The following TIA1 variants were observed in gnomAD, a reference collection of about 807,000 sequenced individuals.
The protein encoded by TIA1 is cytotoxic granule associated RNA binding protein TIA1.
In TIA1, 23 loss-of-function variants were observed where a neutral mutation model predicts 65.9. The ratio of observed to expected loss-of-function variants is 0.35; its 90% CI spans 0.25 to 0.49. The LOEUF is 0.49. Among genes scored for constraint, TIA1 ranks in the 20% least tolerant of loss-of-function variants. TIA1 has a pLI of 0.98. For synonymous variants in TIA1, 147 were observed against 149.4 expected (o/e 0.98, Z 0.12); for missense variants, 371 against 477.9 (o/e 0.78, Z 2.09).
chr2:70,244,822 G>A (rs1276031541), intron 1 of TIA1, among the ~76,000 whole-genome samples: 4 of 114,986 alleles, frequency 3.5e-5, no homozygotes, highest in South Asian at 3.0e-4. Flanking sequence ...GTGACAGAGC[G>A]AGACTCTGTC....
chr2:70,230,284 GC>G (rs1685641641), intron 3 of TIA1, among the ~76,000 whole-genome samples: 1 of 149,734 alleles, frequency 6.7e-6, no homozygotes, highest in Admixed American at 6.7e-5. Flanking sequence ...ATAAACACAA[GC>G]CTCTGCCCTC....
chr2:70,232,028 C>A (rs1178518713), intron 2 of TIA1, among the ~76,000 whole-genome samples: 1 of 151,608 alleles, frequency 6.6e-6, no homozygotes, highest in African/African-American at 2.4e-5. Context: ...CGGTGAAACC[C>A]CGTCTCTACT....
rs1463403644 is a variant in TIA1, at chr2:70,210,608, CTA to C, written c.*2109_*2110del. ...TGGAGATAGTCAAAATGAAAGAAAA[CTA>C]TTTAAATTATTTATGCCCAAATAAT... On this transcript the variant is annotated 3_prime_UTR_variant, in exon 13 of 13. Coordinates refer to ENST00000433529, the MANE Select transcript of TIA1 (RefSeq NM_022173.4). 6.6e-6 allele frequency: 1 copy of C among 152,032 alleles called. No homozygotes were observed. The highest frequency in any genetic ancestry group is 1.9e-4 in the East Asian group (1 of 5,206). 9.4% of individuals were successfully genotyped at this position (152,032 alleles called of 1,614,324 possible). A position where few individuals can be genotyped will look rare whatever the true frequency, so the allele number is the denominator to read the frequency against.
At chr2:70,237,760 G>GA (rs1431573290) in intron 1 of TIA1, among the ~76,000 whole-genome samples, 1 of 151,558 alleles carries the variant, frequency 6.6e-6, no homozygotes, top group Admixed American at 6.6e-5. Flanking sequence ...GCTACTGGGG[G>GA]ACGGCTGAGG....
intron 6 of TIA1, among the ~76,000 whole-genome samples, chr2:70,227,436 T>C (rs184726136): frequency 1.2e-4 from 18 of 152,286 alleles, no homozygotes; most frequent in East Asian, 7.7e-4. Flanking sequence ...TACTAAAGAT[T>C]GTCACCAAGC....
chr2:70,247,834 C>A (rs1229099995), intron 1 of TIA1, among the ~76,000 whole-genome samples: 1 of 151,344 alleles, frequency 6.6e-6, no homozygotes, highest in African/African-American at 2.4e-5. Context: ...GAAGGAAAGC[C>A]AGAGGTTAAA....
At chr2:70,224,337 C>T (rs920609686) in intron 7 of TIA1, 1 of 550,110 alleles carries the variant, frequency 1.8e-6, no homozygotes, top group African/African-American at 1.9e-5. Flanking sequence ...ATTTAAACAA[C>T]TTTACTTTCT....
In TIA1 at chr2:70,224,549, C is replaced by T; in HGVS notation, c.474+5G>A. On this transcript the variant is annotated splice_donor_5th_base_variant and intron_variant, in intron 7 of 12. Transcript: ENST00000433529. ...CATTATCCATGCACTTCTCACTGAG[C>T]TCACCCATTTGTTGAAAAAGGAGAC... The T allele has an allele frequency of 6.2e-7, 1 of 1,614,004 alleles. No homozygotes were observed. The highest frequency in any genetic ancestry group is 8.5e-7 in the Non-Finnish European group (1 of 1,179,976).
At chr2:70,232,343 C>A (rs892175373) in intron 2 of TIA1, among the ~76,000 whole-genome samples, 3 of 150,700 alleles carry the variant, frequency 2.0e-5, no homozygotes, top group African/African-American at 7.3e-5. Context: ...GAGTTTGAGA[C>A]CAGCCTGACC....
intron 5 of TIA1, 77 bp downstream of exon 5, chr2:70,228,958 CCTCCCGCCCCCCTCCCCCAAATAT>C: frequency 1.1e-6 from 1 of 934,234 alleles, no homozygotes; most frequent in Non-Finnish European, 1.3e-6. Flanking sequence ...AATAATATCT[CCTCCCGCCCCCCTCCCCCAAATAT>C]CAAACAAAAA....
chr2:70,240,876 G>GC (rs1200443926), intron 1 of TIA1, among the ~76,000 whole-genome samples: 10 of 150,976 alleles, frequency 6.6e-5, no homozygotes, highest in East Asian at 5.8e-4. Context: ...TGCCCTCCCT[G>GC]CCCCCCCACC....
intron 1 of TIA1, among the ~76,000 whole-genome samples, chr2:70,245,217 C>T (rs1693761969): frequency 6.6e-6 from 1 of 152,174 alleles, no homozygotes; most frequent in Non-Finnish European, 1.5e-5. Context: ...AAACTTCTGA[C>T]CTCAGGTGAT....
chr2:70,209,679 A>C lies in TIA1; in HGVS notation c.*3040T>G. 2.5e-6 allele frequency: 1 copy of C among 398,428 alleles called. No individual in the cohort carries two copies. The highest frequency in any genetic ancestry group is 1.3e-4 in the South Asian group (1 of 7,856). 24.7% of individuals were successfully genotyped at this position (398,428 alleles called of 1,614,324 possible). On this transcript the variant is annotated 3_prime_UTR_variant, in exon 13 of 13. Coordinates refer to ENST00000433529, the MANE Select transcript of TIA1 (RefSeq NM_022173.4). The stretch of plus-strand genomic sequence containing the variant: ...AGTTGTTTATCCCTGCTCATGCTTA[A>C]GATTGACGATTTCGTGAAATAAAGA...
At chr2:70,240,546 A>C (rs550624976) in intron 1 of TIA1, among the ~76,000 whole-genome samples, 1 of 152,324 alleles carries the variant, frequency 6.6e-6, no homozygotes, top group East Asian at 1.9e-4. Flanking sequence ...GAACATAGCA[A>C]GACCTCATTT....
intron 3 of TIA1, 68 bp downstream of exon 3, chr2:70,230,688 G>T: frequency 2.5e-6 from 3 of 1,176,554 alleles, no homozygotes; most frequent in South Asian, 1.5e-5. Flanking sequence ...TTTCTAAAAA[G>T]GAAACAAAAT....
chr2:70,236,128 T>G lies in TIA1; in HGVS notation c.74A>C (p.Gln25Pro). Reference protein sequence around the residue: ...SRDVTEALILQLFSQIGPCKN... With the variant: ...SRDVTEALILPLFSQIGPCKN... The stretch of plus-strand genomic sequence containing the variant: ...ACAAGGTCCAATCTGGCTAAAGAGT[T>G]GCAGAATTAGAGCTTCTGTCACATC... Residue 25 changes from glutamine to proline, a missense_variant, in exon 2 of 13, where the codon CAA (glutamine) becomes CCA (proline). Coordinates refer to ENST00000433529, the MANE Select transcript of TIA1 (RefSeq NM_022173.4). 1 of 1,613,192 alleles carries G rather than the reference T, an allele frequency of 6.2e-7. No homozygotes were observed. The highest frequency in any genetic ancestry group is 8.5e-7 in the Non-Finnish European group (1 of 1,179,438).
intron 5 of TIA1, chr2:70,228,418 T>TA: frequency 7.8e-7 from 1 of 1,288,262 alleles, no homozygotes; most frequent in Non-Finnish European, 1.0e-6. Flanking sequence ...TGCCCAGACA[T>TA]TACACCATTC....
chr2:70,234,098 T>A (rs888252539), intron 2 of TIA1, among the ~76,000 whole-genome samples: 1 of 152,220 alleles, frequency 6.6e-6, no homozygotes, highest in Non-Finnish European at 1.5e-5. Context: ...GGGAAACATA[T>A]GACCAGCCAG....
intron 1 of TIA1, among the ~76,000 whole-genome samples, chr2:70,238,718 T>C (rs548738652): frequency 6.6e-6 from 1 of 152,000 alleles, no homozygotes; most frequent in East Asian, 1.9e-4. Flanking sequence ...AAAATATAAA[T>C]CGTGCATTAC....
Sources: allele counts gnomAD v4.1 joint callset (sites outside exome capture counted in the v4.1 genomes callset), GRCh38; gene constraint gnomAD v4.1.1; transcripts MANE v1.5; gene names NCBI Gene and HGNC (gene_info 2026-07-23, HGNC 2026-07-21).